TEX14: variants seen among roughly 807,000 people sequenced by gnomAD.
The protein encoded by TEX14 is inactive serine/threonine-protein kinase TEX14.
A neutral mutation model predicts 178.6 loss-of-function variants in TEX14; 168 were observed. That is an observed-to-expected ratio of 0.94 (90% CI 0.83 to 1.07). TEX14 has a LOEUF of 1.07. TEX14 is among the 50% of genes least tolerant of loss of function. The pLI is 0.00. For synonymous variants in TEX14, 626 were observed against 634.1 expected (o/e 0.99, Z 0.19); for missense variants, 1,730 against 1,753.6 (o/e 0.99, Z 0.24).
At chr17:58,636,964 C>A (rs570133848) in intron 2 of TEX14, among the ~76,000 whole-genome samples, 2 of 150,884 alleles carry the variant, frequency 1.3e-5, no homozygotes, top group African/African-American at 4.9e-5. Context: ...TGGTGGCTCA[C>A]GCCTGTAATC....
Position 58,562,608 on chromosome 17 carries a change from G to A in TEX14, c.4065-996C>T, listed in dbSNP as rs183942711. ...CAACCTCTGCCTCCCAGGTTCAAGC[G>A]ATTCTCCTGCCTCAACCTCCTGAGT... On this transcript the variant is annotated intron_variant, in intron 28 of 31. Coordinates refer to ENST00000349033, the MANE Select transcript of TEX14 (RefSeq NM_031272.5). Among the ~76,000 whole-genome samples the A allele has an allele frequency of 8.1e-3, 1,239 of 152,128 alleles. 20 individuals carry two copies. Among genetic ancestry groups the A allele is most frequent in the African/African-American group, 0.028 (1,151 of 41,528 alleles).
intron 10 of TEX14, among the ~76,000 whole-genome samples, chr17:58,606,069 C>T (rs138151826): frequency 6.6e-6 from 1 of 152,332 alleles, no homozygotes; most frequent in Non-Finnish European, 1.5e-5. Context: ...CTTTTCTGAA[C>T]TCCTGCCCTT....
At chr17:58,604,487 A>T (rs1405294807) in intron 11 of TEX14, among the ~76,000 whole-genome samples, 2 of 150,512 alleles carry the variant, frequency 1.3e-5, no homozygotes, top group Non-Finnish European at 3.0e-5. Context: ...AATAAAAAAT[A>T]AAAATAAAAA....
chr17:58,561,196 A>T (rs149580742), intron 29 of TEX14, among the ~76,000 whole-genome samples: 1,747 of 152,328 alleles, frequency 0.011, 15 homozygotes, highest in Middle Eastern at 0.041. Context: ...ATTCATTCCT[A>T]GATTTGTGTT....
In TEX14 at chr17:58,599,485, G is replaced by C. The variant is rs374631413; in HGVS notation, c.1860C>G (p.Phe620Leu). 6.2e-7 allele frequency: 1 copy of C among 1,604,156 alleles called. No individual in the cohort carries two copies. The highest frequency in any genetic ancestry group is 1.4e-5 in the African/African-American group (1 of 71,626). ...AGCCTGAGTAGATCTCGTTGATTTC[G>C]AAACTGCAGAGGCTTGGCTGACCTG... Reference protein sequence around the residue: ...PSTGQPSLCSFEINEIYSGCL... With the variant: ...PSTGQPSLCSLEINEIYSGCL... The change falls in exon 14 of 32, where the codon TTC (phenylalanine) becomes TTG (leucine). Residue 620 changes from phenylalanine (F) to leucine (L), a missense_variant. Physicochemically the swap from Phe to Leu is conservative, Grantham distance 22 (BLOSUM62 0). Coordinates refer to ENST00000349033, the MANE Select transcript of TEX14 (RefSeq NM_031272.5).
chr17:58,642,806 C>A (rs1223844773), intron 2 of TEX14, among the ~76,000 whole-genome samples: 1 of 152,176 alleles, frequency 6.6e-6, no homozygotes, highest in Admixed American at 6.6e-5. Flanking sequence ...CTCCTCTGAG[C>A]AGTTTCTCCA....
chr17:58,564,830 T>C, intron 28 of TEX14, 39 bp downstream of exon 28: 1 of 1,303,646 alleles, frequency 7.7e-7, no homozygotes, highest in South Asian at 1.4e-5. Flanking sequence ...AACTATACAA[T>C]TTTTTAAATC....
At chr17:58,583,422 C>T (rs979183011) in intron 19 of TEX14, among the ~76,000 whole-genome samples, 1 of 152,108 alleles carries the variant, frequency 6.6e-6, no homozygotes, top group Non-Finnish European at 1.5e-5. Flanking sequence ...TGAGCCACTG[C>T]ACTCAGCTGA....
rs376937399 is a variant in TEX14 at position 58,630,540 on chromosome 17, C to A, written c.151G>T (p.Ala51Ser). ...KILKKGIYVD[A>S]VNSLGQTALF... is the part of the protein sequence containing the mutation. Reference sequence around the variant, plus strand: ...GCTGTTTGGCCCAAGGAGTTAACTGCATCAACATAAATTCCTGCAAAGGAA... The same window carrying A: ...GCTGTTTGGCCCAAGGAGTTAACTGAATCAACATAAATTCCTGCAAAGGAA... The change falls in exon 3 of 32, where the codon GCA becomes TCA. Residue 51 changes from alanine to serine, a missense_variant. By Grantham distance (99) the Ala-to-Ser change is moderately conservative. This residue lies in a region of TEX14 where 789 missense variants were observed against 681.2 expected (regional missense o/e 1.16). Transcript: ENST00000349033. 6.2e-7 allele frequency: 1 copy of A among 1,612,868 alleles called. No homozygotes were observed. The highest frequency in any genetic ancestry group is 2.2e-5 in the East Asian group (1 of 44,862).
intron 1 of TEX14, chr17:58,679,686 A>G (rs544040362): frequency 1.3e-5 from 2 of 152,234 alleles, no homozygotes; most frequent in Admixed American, 1.3e-4. Flanking sequence ...TTGCCAGTTA[A>G]GTATGAGTCC....
chr17:58,613,856 G>A (rs2045807884), intron 8 of TEX14, among the ~76,000 whole-genome samples: 2 of 152,058 alleles, frequency 1.3e-5, no homozygotes, highest in South Asian at 2.1e-4. Flanking sequence ...TAGTAGAGAT[G>A]GGGTTTCACC....
In TEX14 at chr17:58,569,048, GGAAAACTGCCCCTTCCTA is replaced by G; in HGVS notation, c.3886+126_3886+143del. On this transcript the variant is annotated intron_variant, in intron 26 of 31. Transcript: ENST00000349033. This position sits in a 1 kb window ranked among gnomAD's most constrained non-coding sequence, Gnocchi z 4.1. ...GCAAAACTGCCCCTTCCTAAATTTT[GGAAAACTGCCCCTTCCTA>G]TATTCAACCAGGCCATCATACAGCC... 1.8e-6 allele frequency: 1 copy of G among 566,080 alleles called. No homozygotes were observed. Among genetic ancestry groups the G allele is most frequent in the Non-Finnish European group, 2.9e-6 (1 of 339,826 alleles). 35.1% of individuals were successfully genotyped at this position (566,080 alleles called of 1,614,324 possible). A position where few individuals can be genotyped will look rare whatever the true frequency, so the allele number is the denominator to read the frequency against.
At chr17:58,601,656 T>C (rs1264029222) in intron 13 of TEX14, 150 bp downstream of exon 13, 1 of 683,512 alleles carries the variant, frequency 1.5e-6, no homozygotes, top group Non-Finnish European at 2.5e-6. Flanking sequence ...AGCATGCCAC[T>C]GTACTCCAGT....
chr17:58,580,016 T>C (rs940759017), intron 19 of TEX14, among the ~76,000 whole-genome samples: 10 of 152,204 alleles, frequency 6.6e-5, no homozygotes, highest in Admixed American at 2.6e-4. Flanking sequence ...CAAAGATATT[T>C]TGGTTCTTGG....
chr17:58,653,228 G>A (rs1431350619), intron 1 of TEX14, among the ~76,000 whole-genome samples: 3 of 152,280 alleles, frequency 2.0e-5, no homozygotes, highest in Non-Finnish European at 4.4e-5. Flanking sequence ...GAGCCACGGC[G>A]CCTGGTCTGA....
In TEX14 at chr17:58,665,379, T is replaced by C. The variant is rs116388013; in HGVS notation, c.-1-13377A>G. On this transcript the variant is annotated intron_variant, in intron 1 of 31. Transcript: ENST00000349033. The stretch of plus-strand genomic sequence containing the variant: ...AGCACTTTGGGAGGCTGAGGCAGGA[T>C]GGCTTGAGGCCAGCAGTTGAAGATC... Among the ~76,000 whole-genome samples, 1,241 of 150,296 alleles carry C rather than the reference T, an allele frequency of 8.3e-3. 20 individuals carry two copies. The highest frequency in any genetic ancestry group is 0.028 in the African/African-American group (1,153 of 41,064).
At chr17:58,572,632 T>TAAAAA (rs1313175015) in intron 23 of TEX14, among the ~76,000 whole-genome samples, 1 of 131,606 alleles carries the variant, frequency 7.6e-6, no homozygotes, top group African/African-American at 2.8e-5. Flanking sequence ...ACTCTGTCTT[T>TAAAAA]AAAAAAAAAA....
chr17:58,632,720 A>G (rs1317476753), intron 2 of TEX14, among the ~76,000 whole-genome samples: 5 of 152,242 alleles, frequency 3.3e-5, no homozygotes, highest in African/African-American at 9.6e-5. Flanking sequence ...AGGAGGGGTC[A>G]GCCCATAAAA....
In TEX14 at chr17:58,579,718, A is replaced by G. The variant is rs2044765608; in HGVS notation, c.3185T>C (p.Ile1062Thr). 1.2e-6 allele frequency: 2 copies of G among 1,613,924 alleles called. No individual in the cohort carries two copies. The highest frequency in any genetic ancestry group is 1.7e-6 in the Non-Finnish European group (2 of 1,179,892). Residue 1062 changes from isoleucine to threonine, a missense_variant, in exon 20 of 32, where the codon ATA becomes ACA. Coordinates refer to ENST00000349033, the MANE Select transcript of TEX14 (RefSeq NM_031272.5). ...VEKSYSTSSP[I>T]EEDFEGIQGA... ...TTGTATTCCTTCAAAGTCCTCTTCT[A>G]TGGGACTCGAGGTCTAAAAAAGAAC...
Sources: allele counts gnomAD v4.1 joint callset (sites outside exome capture counted in the v4.1 genomes callset), GRCh38; gene constraint gnomAD v4.1.1; regional missense constraint gnomAD v4.1.1; non-coding constraint Gnocchi (gnomAD v3.1); transcripts MANE v1.5; gene names NCBI Gene and HGNC (gene_info 2026-07-23, HGNC 2026-07-21).